Variants in MYCL observed in about 807,000 individuals in gnomAD.
The protein encoded by MYCL is MYCL proto-oncogene, bHLH transcription factor.
In MYCL, 11 loss-of-function variants were observed where a neutral mutation model predicts 31.0. The ratio of observed to expected loss-of-function variants is 0.35; its 90% CI spans 0.22 to 0.59. The LOEUF (loss-of-function observed/expected upper bound fraction) is 0.59, where lower values mean the gene tolerates loss of function less well. Among genes scored for constraint, MYCL ranks in the 20% least tolerant of loss-of-function variants. The pLI is 0.79. For synonymous variants in MYCL, 208 were observed against 202.4 expected, an observed-to-expected ratio of 1.03 and a Z score of -0.23; for missense variants, 427 against 486.1, an observed-to-expected ratio of 0.88 and a Z score of 1.14.
rs965233090 is a variant in MYCL at position 39,896,435 on chromosome 1, G to A, written c.*937C>T. The A allele has an allele frequency of 4.8e-6, 1 of 209,816 alleles. No individual in the cohort carries two copies. The highest frequency in any genetic ancestry group is 2.3e-5 in the African/African-American group (1 of 43,942). 13.0% of individuals were successfully genotyped at this position (209,816 alleles called of 1,614,324 possible). A position where few individuals can be genotyped will look rare whatever the true frequency, so the allele number is the denominator to read the frequency against. On this transcript the variant is annotated 3_prime_UTR_variant, in exon 2 of 2. Coordinates refer to ENST00000372816, the MANE Select transcript of MYCL (RefSeq NM_001033081.3). ...AGCAGTACAGTTCTCCCTCTGAGGT[G>A]TCTTACACCTGCCTTGAGAAAAGAC...
chr1:39,900,751 C>G lies in MYCL; in HGVS notation c.496+188G>C, dbSNP rs1183784253. The G allele has an allele frequency of 2.1e-6, 3 of 1,414,276 alleles. No individual in the cohort carries two copies. The African/African-American group carries it at 4.5e-5, about 21-fold the overall frequency. 87.6% of individuals were successfully genotyped at this position (1,414,276 alleles called of 1,614,324 possible). ...GGAGGCTGGCTCCCACGCCACTTTT[C>G]CAAACTGTTTACCAACACACCCACG... On this transcript the variant is annotated intron_variant, in intron 1 of 1. Transcript: ENST00000372816.
chr1:39,899,942 G>A, intron 1 of MYCL: 1 of 985,444 alleles, frequency 1.0e-6, no homozygotes, highest in Non-Finnish European at 1.2e-6. Context: ...CACGGGTGTG[G>A]AGGTCTAAGA....
Position 39,897,791 on chromosome 1 carries a change from C to T in MYCL, c.676G>A (p.Glu226Lys), listed in dbSNP as rs751858236. The change falls in exon 2 of 2, where the codon GAA becomes AAA. Residue 226 changes from glutamate (E) to lysine (K), a missense_variant. Glu to Lys is a moderately conservative substitution (Grantham distance 56). Coordinates refer to ENST00000372816, the MANE Select transcript of MYCL (RefSeq NM_001033081.3). This position sits in a 1 kb window ranked among gnomAD's most constrained non-coding sequence, Gnocchi z 4.3. The part of the protein sequence containing the change: ...ARFPPESCSQ[E>K]EASERGPQEE... ...TGGGGACCCCTCTCTGAAGCCTCTT[C>T]TTGGGAGCAGCTTTCTGGAGGAAAA... 35 of 1,614,198 alleles carry T rather than the reference C, an allele frequency of 2.2e-5. No homozygotes were observed. The highest frequency in any genetic ancestry group is 3.3e-5 in the South Asian group (3 of 91,086).
Position 39,901,060 on chromosome 1 carries a change from C to A in MYCL, c.375G>T (p.Ala125=), listed in dbSNP as rs2124719879. The A allele has an allele frequency of 6.4e-7, 1 of 1,551,932 alleles. No individual in the cohort carries two copies. The change falls in exon 1 of 2, where the codon GCG becomes GCT. Residue 125 remains alanine (A), a synonymous_variant. Coordinates refer to ENST00000372816, the MANE Select transcript of MYCL (RefSeq NM_001033081.3). This position sits in a 1 kb window ranked among gnomAD's most constrained non-coding sequence, Gnocchi z 6.9. ...TGGGAGTGCAGTCCGGGGCGGCGGA[C>A]GCCTTGGGCGGGTTCCCCCGGGGCG... ...PGAPRGNPPK[A]SAAPDCTPSL...
chr1:39,897,189 T>C lies in MYCL; in HGVS notation c.*183A>G, dbSNP rs776177013. 60 of 658,378 alleles carry C rather than the reference T, an allele frequency of 9.1e-5. No individual in the cohort carries two copies. Among genetic ancestry groups the C allele is most frequent in the Non-Finnish European group, 1.5e-4 (58 of 377,890 alleles). 40.8% of individuals were successfully genotyped at this position (658,378 alleles called of 1,614,324 possible). On this transcript the variant is annotated 3_prime_UTR_variant, in exon 2 of 2. Coordinates refer to ENST00000372816, the MANE Select transcript of MYCL (RefSeq NM_001033081.3). This position sits in a 1 kb window ranked among gnomAD's most constrained non-coding sequence, Gnocchi z 4.3. The stretch of plus-strand genomic sequence containing the variant: ...CCATGAGTCAGGGAAGAGGGAGAGC[T>C]GGGTTTCAAGGTTTCCAAGAATGCA...
chr1:39,900,738 C>T, intron 1 of MYCL: 1 of 1,408,084 alleles, frequency 7.1e-7, no homozygotes, highest in Non-Finnish European at 9.3e-7. Flanking sequence ...AGGCTGGCTC[C>T]CACGCCACTT....
In MYCL at chr1:39,897,818, G is replaced by A. The variant is rs771272971; in HGVS notation, c.649C>T (p.Arg217Cys). ...IHQQQHNYAA[R>C]FPPESCSQEE... Reference sequence around the variant, plus strand: ...TGGGAGCAGCTTTCTGGAGGAAAACGGGCAGCATAGTTGTGCTGTTGCTGA... The same window carrying A: ...TGGGAGCAGCTTTCTGGAGGAAAACAGGCAGCATAGTTGTGCTGTTGCTGA... The change falls in exon 2 of 2, where the codon CGT (arginine) becomes TGT (cysteine). Residue 217 changes from arginine to cysteine, a missense_variant. Arg to Cys is a radical substitution (Grantham distance 180). Transcript: ENST00000372816. The surrounding 1 kb of genome is among the most constrained non-coding windows in gnomAD (Gnocchi z 4.3). The A allele has an allele frequency of 4.0e-5, 64 of 1,614,026 alleles. 1 individual carries two copies. The highest frequency in any genetic ancestry group is 6.7e-5 in the Admixed American group (4 of 60,002).
At position 39,901,844 on chromosome 1, in the gene MYCL, T is replaced by C. The variant is rs952164006; in HGVS notation, c.-410A>G. The C allele has an allele frequency of 8.0e-7, 1 of 1,257,672 alleles. No homozygotes were observed. The highest frequency in any genetic ancestry group is 1.0e-6 in the Non-Finnish European group (1 of 991,128). The allele number at this position is 1,257,672 out of a possible 1,614,324, so 77.9% of individuals were successfully genotyped here. Reference sequence around the variant, plus strand: ...CGCCCGCCACCTGGAGCGGACCGGCTCCCCGCCGGCTCGGGGCAGCCCGGC... The same window carrying C: ...CGCCCGCCACCTGGAGCGGACCGGCCCCCCGCCGGCTCGGGGCAGCCCGGC... On this transcript the variant is annotated 5_prime_UTR_variant, in exon 1 of 2. Transcript: ENST00000372816. The surrounding 1 kb of genome is among the most constrained non-coding windows in gnomAD (Gnocchi z 6.9).
In MYCL at chr1:39,897,442, G is replaced by A. The variant is rs1330620062; in HGVS notation, c.1025C>T (p.Thr342Ile). Reference protein sequence around the residue: ...ALVGAEKRMATEKRQLRCRQQ... With the variant: ...ALVGAEKRMAIEKRQLRCRQQ... ...CCGGCATCGGAGCTGTCTTTTCTCTGTAGCCATCCTCTTCTCAGCCCCCAC... is the reference window on the plus strand; with the variant it reads ...CCGGCATCGGAGCTGTCTTTTCTCTATAGCCATCCTCTTCTCAGCCCCCAC... Residue 342 changes from threonine to isoleucine, a missense_variant, in exon 2 of 2, where the codon ACA becomes ATA. Transcript: ENST00000372816. The surrounding 1 kb of genome is among the most constrained non-coding windows in gnomAD (Gnocchi z 4.3). 1.2e-6 allele frequency: 2 copies of A among 1,613,950 alleles called. No homozygotes were observed. Among genetic ancestry groups the A allele is most frequent in the Non-Finnish European group, 1.7e-6 (2 of 1,179,824 alleles).
rs1174168990 is a variant in MYCL at position 39,901,889 on chromosome 1, G to A, written c.-455C>T. ...CCCGGCAGCCAGCACACACGCACAT[G>A]CGCGCCGCCGAGAGCGCGGCCCGCA... On this transcript the variant is annotated 5_prime_UTR_variant, in exon 1 of 2. Coordinates refer to ENST00000372816, the MANE Select transcript of MYCL (RefSeq NM_001033081.3). The surrounding 1 kb of genome is among the most constrained non-coding windows in gnomAD (Gnocchi z 6.9). 2.6e-6 allele frequency: 3 copies of A among 1,158,730 alleles called. No individual in the cohort carries two copies. Among genetic ancestry groups the A allele is most frequent in the East Asian group, 3.9e-5 (1 of 25,866 alleles). 71.8% of individuals were successfully genotyped at this position (1,158,730 alleles called of 1,614,324 possible). A position where few individuals can be genotyped will look rare whatever the true frequency, so the allele number is the denominator to read the frequency against.
At chr1:39,898,960 C>T (rs1644508655) in intron 1 of MYCL, 2 of 985,326 alleles carry the variant, frequency 2.0e-6, no homozygotes, top group Non-Finnish European at 2.4e-6. Context: ...ATCTCGGCCT[C>T]GCAAAGGAAG....
In MYCL at chr1:39,901,255, G is replaced by T. The variant is rs763496278; in HGVS notation, c.180C>A (p.Pro60=). 6.2e-7 allele frequency: 1 copy of T among 1,605,922 alleles called. No individual in the cohort carries two copies. The highest frequency in any genetic ancestry group is 1.7e-5 in the Admixed American group (1 of 58,520). The change falls in exon 1 of 2, where the codon CCC becomes CCA. Residue 60 remains proline, a synonymous_variant. Transcript: ENST00000372816. The surrounding 1 kb of genome is among the most constrained non-coding windows in gnomAD (Gnocchi z 6.9). The part of the protein sequence containing the change: ...GAGDPAPGIG[P]PEPWPGGCTG... ...TGCACCCTCCGGGCCACGGCTCCGGGGGACCAATCCCGGGGGCCGGGTCCC... is the reference window on the plus strand; with the variant it reads ...TGCACCCTCCGGGCCACGGCTCCGGTGGACCAATCCCGGGGGCCGGGTCCC...
At chr1:39,898,158 A>G (rs1452806710) in intron 1 of MYCL, 188 bp from the exon 2 acceptor site, 3 of 779,162 alleles carry the variant, frequency 3.9e-6, no homozygotes, top group Non-Finnish European at 5.9e-6. Context: ...AGTGAAGGAA[A>G]GGAGGGGACA....
In MYCL at chr1:39,897,567, T is replaced by A. The variant is rs746174936; in HGVS notation, c.900A>T (p.Arg300=). ...GCACCTGGTCCCTCAGCGCCAAGAA[T>A]CGCGAACGCAGGTCATTCCGCCTCT... ...ERKRRNDLRS[R]FLALRDQVPT... The change falls in exon 2 of 2, where the codon CGA becomes CGT. Residue 300 remains arginine (R), a synonymous_variant. Coordinates refer to ENST00000372816, the MANE Select transcript of MYCL (RefSeq NM_001033081.3). This position sits in a 1 kb window ranked among gnomAD's most constrained non-coding sequence, Gnocchi z 4.3. 6.2e-7 allele frequency: 1 copy of A among 1,614,224 alleles called. No homozygotes were observed. The highest frequency in any genetic ancestry group is 1.7e-5 in the Admixed American group (1 of 60,026).
Position 39,901,294 on chromosome 1 carries a change from C to T in MYCL, c.141G>A (p.Leu47=), listed in dbSNP as rs1644536941. 2 of 1,601,634 alleles carry T rather than the reference C, an allele frequency of 1.2e-6. No individual in the cohort carries two copies. The highest frequency in any genetic ancestry group is 1.1e-5 in the South Asian group (1 of 89,540). The change falls in exon 1 of 2, where the codon TTG becomes TTA. Residue 47 remains leucine (L), a synonymous_variant. Transcript: ENST00000372816. This position sits in a 1 kb window ranked among gnomAD's most constrained non-coding sequence, Gnocchi z 6.9. ...GGGCCGGGTCCCCTGCGCCGGGACC[C>T]AAGCCCCAGGGCGGCGACGTGGGGG... ...PSPPTSPPWG[L]GPGAGDPAPG... is the part of the protein sequence containing the mutation.
chr1:39,899,023 G>C (rs1386803186), intron 1 of MYCL: 1 of 985,324 alleles, frequency 1.0e-6, no homozygotes, highest in African/African-American at 1.7e-5. Context: ...CCTTTGTCAG[G>C]AAGGCTTCCA....
rs1175270773 is a variant in MYCL at position 39,901,252 on chromosome 1, C to A, written c.183G>T (p.Pro61=). ...CGGTGCACCCTCCGGGCCACGGCTC[C>A]GGGGGACCAATCCCGGGGGCCGGGT... is the stretch of plus-strand genomic sequence containing the variant. The part of the protein sequence containing the change: ...AGDPAPGIGP[P]EPWPGGCTGD... The change falls in exon 1 of 2, where the codon CCG becomes CCT. Residue 61 remains proline (P), a synonymous_variant. Coordinates refer to ENST00000372816, the MANE Select transcript of MYCL (RefSeq NM_001033081.3). This position sits in a 1 kb window ranked among gnomAD's most constrained non-coding sequence, Gnocchi z 6.9. 1.9e-6 allele frequency: 3 copies of A among 1,606,340 alleles called. No individual in the cohort carries two copies. In the African/African-American group the frequency reaches 4.0e-5, roughly 21 times the overall value.
rs1644474664 is a variant in MYCL, at chr1:39,895,560, AATT to A, written c.*1809_*1811del. ...AATAAATCAGACCCTTGCAACAGGAAATTGCCCCAAGAGTTTTTTTCCTTGTAC... is the reference window on the plus strand; with the variant it reads ...AATAAATCAGACCCTTGCAACAGGAAGCCCCAAGAGTTTTTTTCCTTGTAC... On this transcript the variant is annotated 3_prime_UTR_variant, in exon 2 of 2. Coordinates refer to ENST00000372816, the MANE Select transcript of MYCL (RefSeq NM_001033081.3). 4.4e-6 allele frequency: 1 copy of A among 227,918 alleles called. No individual in the cohort carries two copies. The highest frequency in any genetic ancestry group is 2.2e-5 in the African/African-American group (1 of 45,030). The allele number at this position is 227,918 out of a possible 1,614,324, so 14.1% of individuals were successfully genotyped here.
At chr1:39,899,919 C>G (rs776883292) in intron 1 of MYCL, 6 of 985,456 alleles carry the variant, frequency 6.1e-6, no homozygotes, top group Non-Finnish European at 7.2e-6. Flanking sequence ...AAAATACCCT[C>G]TCCAGGATTT....
Sources: allele counts gnomAD v4.1 joint callset, GRCh38; gene constraint gnomAD v4.1.1; non-coding constraint Gnocchi (gnomAD v3.1); transcripts MANE v1.5; gene names NCBI Gene and HGNC (gene_info 2026-07-23, HGNC 2026-07-21).